ANKRD2: variants seen among roughly 807,000 people sequenced by gnomAD.
ANKRD2 encodes ankyrin repeat domain 2.
A neutral mutation model predicts 37.3 loss-of-function variants in ANKRD2; 35 were observed. The ratio of observed to expected loss-of-function variants is 0.94; its 90% CI spans 0.72 to 1.24. The LOEUF (loss-of-function observed/expected upper bound fraction) is 1.24, where lower values mean the gene tolerates loss of function less well. Ranked by LOEUF, ANKRD2 falls within the 50% of genes most tolerant of loss-of-function variation. The pLI is 0.00. For synonymous variants in ANKRD2, 159 were observed against 186.5 expected, an observed-to-expected ratio of 0.85 and a Z score of 1.20; for missense variants, 410 against 445.6, an observed-to-expected ratio of 0.92 and a Z score of 0.72.
intron 6 of ANKRD2, 87 bp downstream of exon 6, chr10:97,581,501 C>A: frequency 2.2e-6 from 3 of 1,347,474 alleles, no homozygotes; most frequent in South Asian, 1.3e-5. Context: ...GCCTAGGGGG[C>A]AGGAAGGTAG....
At position 97,572,803 on chromosome 10, in the gene ANKRD2, G is replaced by A; in HGVS notation, c.15G>A (p.Met5Ile). 6.3e-7 allele frequency: 1 copy of A among 1,579,576 alleles called. No homozygotes were observed. The highest frequency in any genetic ancestry group is 8.6e-7 in the Non-Finnish European group (1 of 1,163,112). The change falls in exon 1 of 9, where the codon ATG (methionine) becomes ATA (isoleucine). Residue 5 changes from methionine (M) to isoleucine (I), a missense_variant. Physicochemically the swap from Met to Ile is conservative, Grantham distance 10. Transcript: ENST00000370655. MDGT[M>I]EDSEAVQRAT... is the part of the protein sequence containing the mutation. Reference sequence around the variant, plus strand: ...CAGAGGCGGTTATGGACGGCACCATGGAGGACTCCGAGGCGGTGCAGAGGG... The same window carrying A: ...CAGAGGCGGTTATGGACGGCACCATAGAGGACTCCGAGGCGGTGCAGAGGG...
At chr10:97,580,339 A>G (rs757436510) in intron 4 of ANKRD2, among the ~76,000 whole-genome samples, 3 of 152,232 alleles carry the variant, frequency 2.0e-5, no homozygotes, top group Non-Finnish European at 4.4e-5. Context: ...CCAAGGCAGA[A>G]AGGAGAAGGG....
At chr10:97,582,929 C>G (rs975870227) in intron 8 of ANKRD2, among the ~76,000 whole-genome samples, 4 of 152,186 alleles carry the variant, frequency 2.6e-5, no homozygotes, top group African/African-American at 9.7e-5. Flanking sequence ...GCAGGAGGGG[C>G]AGCAAGAGGA....
At chr10:97,582,490 C>T in intron 7 of ANKRD2, 77 bp downstream of exon 7, 3 of 1,576,304 alleles carry the variant, frequency 1.9e-6, no homozygotes, top group Non-Finnish European at 2.6e-6. Flanking sequence ...TGGTGTCCTT[C>T]CTCCTGGGGC....
Position 97,578,276 on chromosome 10 carries a change from CG to C in ANKRD2, c.228del (p.Arg77GlyfsTer50). ...ERVRKTSLDL[R>X]REIIDVGGIQ... ...CGTGCGCAAGACGTCCCTGGACCTG[CG>C]GCGGGAGATCATCGATGTGGGCGGG... On this transcript the variant is annotated frameshift_variant, in exon 3 of 9. Coordinates refer to ENST00000370655, the MANE Select transcript of ANKRD2 (RefSeq NM_001346793.2). LOFTEE classifies it high-confidence loss of function. 6.2e-7 allele frequency: 1 copy of C among 1,612,872 alleles called. No homozygotes were observed. Among genetic ancestry groups the C allele is most frequent in the Non-Finnish European group, 8.5e-7 (1 of 1,179,910 alleles).
chr10:97,577,782 C>A lies in ANKRD2; in HGVS notation c.88-18C>A, dbSNP rs1012150989. On this transcript the variant is annotated intron_variant, in intron 1 of 8. Transcript: ENST00000370655. ...GTCTCCTCGGGTCCTGGAGAAGGTG[C>A]CCTCTTTGGATCACCAGAAACTCCG... is the stretch of plus-strand genomic sequence containing the variant. 1.9e-6 allele frequency: 3 copies of A among 1,540,874 alleles called. No individual in the cohort carries two copies. The highest frequency in any genetic ancestry group is 2.6e-6 in the Non-Finnish European group (3 of 1,140,168).
Position 97,583,590 on chromosome 10 carries a change from G to A in ANKRD2, c.867G>A (p.Pro289=), listed in dbSNP as rs548309453. 15 of 1,603,138 alleles carry A rather than the reference G, an allele frequency of 9.4e-6. No individual in the cohort carries two copies. Among genetic ancestry groups the A allele is most frequent in the Middle Eastern group, 1.7e-4 (1 of 6,040 alleles). ...GCCCCCTCCAGGCAGGAAAGACCCC[G>A]ACGGACCTGGTGCAGCTCTGGCAGG... The part of the protein sequence containing the change: ...MMTKNLAGKT[P]TDLVQLWQAD... The change falls in exon 9 of 9, where the codon CCG becomes CCA. Residue 289 remains proline, a synonymous_variant. Transcript: ENST00000370655.
In ANKRD2 at chr10:97,580,853, A is replaced by G; in HGVS notation, c.457-2A>G. 1 of 1,609,298 alleles carries G rather than the reference A, an allele frequency of 6.2e-7. No individual in the cohort carries two copies. The highest frequency in any genetic ancestry group is 8.5e-7 in the Non-Finnish European group (1 of 1,178,086). The stretch of plus-strand genomic sequence containing the variant: ...AGGCCCTGACAGCCTCTCTGGGGAC[A>G]GTTCCGTCGGACAGCACTGCACCGA... On this transcript the variant is annotated splice_acceptor_variant, in intron 4 of 8. Transcript: ENST00000370655. LOFTEE classifies it high-confidence loss of function.
intron 4 of ANKRD2, 122 bp downstream of exon 4, chr10:97,578,727 T>C (rs1304298740): frequency 1.3e-6 from 1 of 759,080 alleles, no homozygotes; most frequent in East Asian, 2.7e-5. Context: ...TTTGGATGGG[T>C]GGGTGGCTGG....
intron 4 of ANKRD2, 146 bp downstream of exon 4, chr10:97,578,751 G>A: frequency 4.6e-6 from 3 of 648,428 alleles, no homozygotes; most frequent in Non-Finnish European, 5.4e-6. Flanking sequence ...GCTCAGAATG[G>A]GTGTCCCTTC....
chr10:97,578,144 G>GGGGC, intron 2 of ANKRD2, 96 bp from the exon 3 acceptor site: 7 of 685,444 alleles, frequency 1.0e-5, no homozygotes, highest in South Asian at 3.5e-5. Flanking sequence ...GGGTCTTCCT[G>GGGGC]CCCACCCCAC....
intron 4 of ANKRD2, among the ~76,000 whole-genome samples, chr10:97,579,331 G>C (rs960807660): frequency 1.3e-4 from 18 of 142,828 alleles, no homozygotes; most frequent in Non-Finnish European, 2.0e-4. Context: ...TTTTGAGACA[G>C]AGTCTCACTC....
At position 97,582,362 on chromosome 10, in the gene ANKRD2, G is replaced by A; in HGVS notation, c.702G>A (p.Glu234=). Reference sequence around the variant, plus strand: ...TGGCAGTCCGGACAGGGCAGGTGGAGATTGTGGAGCACTTTCTATCCCTGG... The same window carrying A: ...TGGCAGTCCGGACAGGGCAGGTGGAAATTGTGGAGCACTTTCTATCCCTGG... ...LHVAVRTGQV[E]IVEHFLSLGL... The change falls in exon 7 of 9, where the codon GAG becomes GAA. Residue 234 remains glutamate (E), a synonymous_variant. Transcript: ENST00000370655. 1.3e-5 allele frequency: 20 copies of A among 1,562,264 alleles called. No individual in the cohort carries two copies. Among genetic ancestry groups the A allele is most frequent in the Non-Finnish European group, 1.7e-5 (20 of 1,152,580 alleles).
At chr10:97,575,026 C>G (rs2040808142) in intron 1 of ANKRD2, among the ~76,000 whole-genome samples, 1 of 152,232 alleles carries the variant, frequency 6.6e-6, no homozygotes, top group African/African-American at 2.4e-5. Context: ...TACAGGCATT[C>G]TCCCATTTAA....
intron 1 of ANKRD2, among the ~76,000 whole-genome samples, chr10:97,574,975 A>G (rs551086555): frequency 1.3e-5 from 2 of 151,494 alleles, no homozygotes; most frequent in South Asian, 4.1e-4. Context: ...ATAGCTACAG[A>G]GCTGTCAGGA....
chr10:97,582,779 C>A, intron 8 of ANKRD2, 77 bp downstream of exon 8: 4 of 1,330,426 alleles, frequency 3.0e-6, no homozygotes, highest in Non-Finnish European at 4.3e-6. Flanking sequence ...GTCCCTGGAG[C>A]AGCCCCCGCC....
chr10:97,582,062 G>A (rs1319537006), intron 6 of ANKRD2, among the ~76,000 whole-genome samples: 1 of 152,194 alleles, frequency 6.6e-6, no homozygotes, highest in Non-Finnish European at 1.5e-5. Context: ...TTAAAAGAAG[G>A]GTAGAAGAGT....
intron 5 of ANKRD2, 110 bp downstream of exon 5, chr10:97,581,063 T>A: frequency 9.7e-7 from 1 of 1,025,928 alleles, no homozygotes; most frequent in Non-Finnish European, 1.5e-6. Context: ...GTTGCTCAGG[T>A]GCCAGACTCC....
Position 97,580,859 on chromosome 10 carries a change from G to C in ANKRD2, c.461G>C (p.Arg154Pro), listed in dbSNP as rs776441427. Residue 154 changes from arginine to proline, a missense_variant, in exon 5 of 9, where the codon CGT becomes CCT. Transcript: ENST00000370655. The stretch of plus-strand genomic sequence containing the variant: ...TGACAGCCTCTCTGGGGACAGTTCC[G>C]TCGGACAGCACTGCACCGAGCTTCC... ...GGSADTCDQF[R>P]RTALHRASLE... 2 of 1,610,070 alleles carry C rather than the reference G, an allele frequency of 1.2e-6. No individual in the cohort carries two copies. Among genetic ancestry groups the C allele is most frequent in the Middle Eastern group, 1.7e-4 (1 of 6,052 alleles).
Sources: allele counts gnomAD v4.1 joint callset (sites outside exome capture counted in the v4.1 genomes callset), GRCh38; gene constraint gnomAD v4.1.1; transcripts MANE v1.5; gene names NCBI Gene and HGNC (gene_info 2026-07-23, HGNC 2026-07-21).